Variants in RGS7 observed in about 807,000 individuals in gnomAD.
RGS7 encodes the protein regulator of G-protein signaling 7.
Under a neutral mutation model 81.1 loss-of-function variants are expected in RGS7, and 27 were observed. The observed-to-expected ratio is 0.33, with a 90% confidence interval of 0.25 to 0.46. The LOEUF (loss-of-function observed/expected upper bound fraction) is 0.46. Ranked by LOEUF, RGS7 falls within the 20% of genes least tolerant of loss-of-function variation. The pLI is 1.00. For synonymous variants in RGS7, 208 were observed against 207.7 expected (o/e 1.00, Z -0.01); for missense variants, 396 against 607.4 (o/e 0.65, Z 3.66).
intron 9 of RGS7, among the ~76,000 whole-genome samples, chr1:240,844,752 C>G (rs1273597869): frequency 6.6e-6 from 1 of 152,176 alleles, no homozygotes; most frequent in Admixed American, 6.5e-5. Context: ...GAATAATAGA[C>G]AGAAATGCTG....
intron 2 of RGS7, among the ~76,000 whole-genome samples, chr1:241,198,146 A>C (rs1428375508): frequency 2.0e-5 from 3 of 152,044 alleles, no homozygotes. Flanking sequence ...GAAATTTAAA[A>C]ATAGTTTGAA....
At chr1:240,859,779 T>A (rs1356893184) in intron 9 of RGS7, among the ~76,000 whole-genome samples, 1 of 152,176 alleles carries the variant, frequency 6.6e-6, no homozygotes, top group African/African-American at 2.4e-5. Context: ...CTATTCCTAG[T>A]TTCCAAATGT....
At chr1:241,021,806 G>T (rs1206279676) in intron 3 of RGS7, among the ~76,000 whole-genome samples, 1 of 152,182 alleles carries the variant, frequency 6.6e-6, no homozygotes, top group African/African-American at 2.4e-5. Context: ...TACAAGCTGA[G>T]ATTTGAAGCA....
intron 9 of RGS7, among the ~76,000 whole-genome samples, chr1:240,829,443 C>T (rs150481244): frequency 5.3e-5 from 8 of 152,100 alleles, no homozygotes; most frequent in East Asian, 1.9e-4. Flanking sequence ...AAAAGACCCC[C>T]GGGGATTTTA....
At position 240,778,340 on chromosome 1, in the gene RGS7, T is replaced by A. The variant is rs761024644; in HGVS notation, c.*7-2127A>T. Among the ~76,000 whole-genome samples, 148 of 152,348 alleles carry A rather than the reference T, an allele frequency of 9.7e-4. 1 individual carries two copies. Among genetic ancestry groups the A allele is most frequent in the Non-Finnish European group, 1.5e-3 (102 of 68,028 alleles). ...CATTTTTGGAAAAAGACAATATGTT[T>A]AAGAAAAGATTAATAATTCCATAAT... On this transcript the variant is annotated intron_variant, in intron 18 of 18. Coordinates refer to ENST00000440928, the MANE Select transcript of RGS7 (RefSeq NM_001364886.1).
At chr1:240,885,262 C>A (rs7544945) in intron 6 of RGS7, among the ~76,000 whole-genome samples, 3 of 151,606 alleles carry the variant, frequency 2.0e-5, no homozygotes, top group Admixed American at 6.6e-5. Context: ...CAGATGCTGG[C>A]GAGGTTGCAG....
chr1:241,206,960 GTTTTTTTTTTTTTTT>G (rs67087891), intron 2 of RGS7, among the ~76,000 whole-genome samples: 1 of 70,706 alleles, frequency 1.4e-5, no homozygotes, highest in Non-Finnish European at 2.5e-5. Flanking sequence ...TCTCTCTCTG[GTTTTTTTTTTTTTTT>G]TTTTTTTTTT....
intron 4 of RGS7, among the ~76,000 whole-genome samples, chr1:240,956,001 G>A (rs568640728): frequency 6.6e-6 from 1 of 152,280 alleles, no homozygotes; most frequent in African/African-American, 2.4e-5. Context: ...AAAATCACTA[G>A]TGCAACATGA....
intron 3 of RGS7, among the ~76,000 whole-genome samples, chr1:241,009,731 T>C (rs1453911804): frequency 2.0e-5 from 3 of 152,204 alleles, no homozygotes; most frequent in Non-Finnish European, 4.4e-5. Context: ...TATACTTGAA[T>C]GGGCATGTTA....
intron 2 of RGS7, among the ~76,000 whole-genome samples, chr1:241,180,280 C>T (rs1421092969): frequency 5.3e-5 from 8 of 152,044 alleles, no homozygotes; most frequent in Admixed American, 5.2e-4. Flanking sequence ...GAGGCTGAGG[C>T]AGGAGAATGG....
chr1:240,924,036 G>T (rs1362572643), intron 6 of RGS7, among the ~76,000 whole-genome samples: 1 of 152,008 alleles, frequency 6.6e-6, no homozygotes, highest in Non-Finnish European at 1.5e-5. Flanking sequence ...GATCTCTTTA[G>T]TTGGTCATAA....
chr1:240,869,118 T>C (rs1178212677), intron 7 of RGS7, among the ~76,000 whole-genome samples: 1 of 152,144 alleles, frequency 6.6e-6, no homozygotes, highest in Non-Finnish European at 1.5e-5. Flanking sequence ...AATATGTATC[T>C]GAAAAATACT....
intron 2 of RGS7, among the ~76,000 whole-genome samples, chr1:241,327,576 C>T (rs575906460): frequency 6.6e-6 from 1 of 152,132 alleles, no homozygotes; most frequent in Non-Finnish European, 1.5e-5. Flanking sequence ...AGAACTAGAT[C>T]CCCACAATAC....
chr1:241,045,110 G>A (rs140940364), intron 3 of RGS7, among the ~76,000 whole-genome samples: 62 of 151,912 alleles, frequency 4.1e-4, no homozygotes, highest in African/African-American at 8.7e-4. Context: ...TTAAATTATC[G>A]TCTCATCTTT....
chr1:240,864,447 T>C (rs549559095), intron 9 of RGS7, among the ~76,000 whole-genome samples: 2 of 152,144 alleles, frequency 1.3e-5, no homozygotes, highest in South Asian at 2.1e-4. Context: ...CCCCAAACAG[T>C]TCAAAAAGTT....
intron 3 of RGS7, among the ~76,000 whole-genome samples, chr1:241,039,076 GAGA>G (rs1489160563): frequency 1.3e-5 from 2 of 152,182 alleles, no homozygotes; most frequent in African/African-American, 4.8e-5. Context: ...TGTGACCACA[GAGA>G]AGGACAGACA....
intron 4 of RGS7, among the ~76,000 whole-genome samples, chr1:240,948,942 T>C (rs1679101900): frequency 6.6e-6 from 1 of 152,034 alleles, no homozygotes; most frequent in South Asian, 2.1e-4. Context: ...ATTTATTTTC[T>C]CGTTCTTCAT....
intron 2 of RGS7, among the ~76,000 whole-genome samples, chr1:241,308,867 T>A (rs12096967): frequency 0.013 from 2,004 of 152,276 alleles, 44 homozygotes; most frequent in African/African-American, 0.045. Flanking sequence ...TTGAATTTTT[T>A]AAAAAATTGC....
At position 240,868,677 on chromosome 1, in the gene RGS7, A is replaced by G; in HGVS notation, c.528-9T>C. On this transcript the variant is annotated splice_polypyrimidine_tract_variant and intron_variant, in intron 8 of 18. Coordinates refer to ENST00000440928, the MANE Select transcript of RGS7 (RefSeq NM_001364886.1). This position sits in a 1 kb window ranked among gnomAD's most constrained non-coding sequence, Gnocchi z 5.1. ...CTCTCTTCTTGTCCACTCTGTCAAC[A>G]CAGTAACAATAGATAACATTTAGTA... The G allele has an allele frequency of 6.2e-7, 1 of 1,613,764 alleles. No homozygotes were observed. Among genetic ancestry groups the G allele is most frequent in the Non-Finnish European group, 8.5e-7 (1 of 1,179,690 alleles).
Sources: allele counts gnomAD v4.1 joint callset (sites outside exome capture counted in the v4.1 genomes callset), GRCh38; gene constraint gnomAD v4.1.1; non-coding constraint Gnocchi (gnomAD v3.1); transcripts MANE v1.5; gene names NCBI Gene and HGNC (gene_info 2026-07-23, HGNC 2026-07-21).